The following CAMKMT variants were observed in gnomAD, a reference collection of about 807,000 sequenced individuals.
CAMKMT encodes calmodulin-lysine N-methyltransferase, also known as CaM KMT.
In CAMKMT, 53 loss-of-function variants were observed where a neutral mutation model predicts 48.0. The ratio of observed to expected loss-of-function variants is 1.10; its 90% CI spans 0.89 to 1.39. CAMKMT has a LOEUF of 1.39. Ranked by LOEUF, CAMKMT falls within the 40% of genes most tolerant of loss-of-function variation. The pLI, the probability that CAMKMT is intolerant of heterozygous loss-of-function variation, is 0.00. For synonymous variants in CAMKMT, 165 were observed against 152.3 expected, an observed-to-expected ratio of 1.08 and a Z score of -0.61; for missense variants, 428 against 402.7, an observed-to-expected ratio of 1.06 and a Z score of -0.54.
intron 2 of CAMKMT, among the ~76,000 whole-genome samples, chr2:44,374,759 A>T (rs1231818558): frequency 6.6e-6 from 1 of 152,222 alleles, no homozygotes; most frequent in East Asian, 1.9e-4. Flanking sequence ...GTATATCTAT[A>T]CAAATATGAC....
At chr2:44,707,666 A>G (rs573918754) in intron 6 of CAMKMT, among the ~76,000 whole-genome samples, 1 of 152,306 alleles carries the variant, frequency 6.6e-6, no homozygotes, top group South Asian at 2.1e-4. Flanking sequence ...AGATTTTTAT[A>G]GACATCTCTC....
intron 3 of CAMKMT, among the ~76,000 whole-genome samples, chr2:44,670,298 G>A (rs1383510012): frequency 6.6e-6 from 1 of 152,112 alleles, no homozygotes; most frequent in Non-Finnish European, 1.5e-5. Context: ...ACACAGACTG[G>A]GCTGGGTGTG....
At chr2:44,654,775 A>G (rs1674282142) in intron 3 of CAMKMT, among the ~76,000 whole-genome samples, 1 of 152,206 alleles carries the variant, frequency 6.6e-6, no homozygotes, top group Non-Finnish European at 1.5e-5. Flanking sequence ...TCGGCCTCCC[A>G]AAGTGCTGGG....
chr2:44,772,199 C>G lies in CAMKMT; in HGVS notation c.*86C>G. The G allele has an allele frequency of 9.5e-7, 1 of 1,051,718 alleles. No individual in the cohort carries two copies. The highest frequency in any genetic ancestry group is 1.4e-6 in the Non-Finnish European group (1 of 689,768). 65.1% of individuals were successfully genotyped at this position (1,051,718 alleles called of 1,614,324 possible). ...AACGGAAATCTGTAAGGGGTATAAT[C>G]GCCTGCCTGCGCCCTTTGCAGCATT... On this transcript the variant is annotated 3_prime_UTR_variant, in exon 11 of 11. Coordinates refer to ENST00000378494, the MANE Select transcript of CAMKMT (RefSeq NM_024766.5).
intron 3 of CAMKMT, among the ~76,000 whole-genome samples, chr2:44,616,531 A>T (rs1189078146): frequency 2.7e-5 from 3 of 112,056 alleles, no homozygotes; most frequent in Non-Finnish European, 2.2e-5. Context: ...ACAACCTTTA[A>T]CAATATATTT....
At chr2:44,406,766 T>C (rs558666616) in intron 3 of CAMKMT, among the ~76,000 whole-genome samples, 1 of 152,028 alleles carries the variant, frequency 6.6e-6, no homozygotes, top group Non-Finnish European at 1.5e-5. Flanking sequence ...CCTGCTTGTT[T>C]TTTGTATGGT....
At chr2:44,385,905 T>C (rs1409038029) in intron 2 of CAMKMT, among the ~76,000 whole-genome samples, 1 of 152,150 alleles carries the variant, frequency 6.6e-6, no homozygotes, top group Non-Finnish European at 1.5e-5. Context: ...TCAACATCTG[T>C]GTTCATCAAG....
In CAMKMT at chr2:44,691,356, T is replaced by G. The variant is rs112069917; in HGVS notation, c.377-12927T>G. 1.6e-3 allele frequency among the ~76,000 whole-genome samples: 250 copies of G among 152,376 alleles called. 2 individuals are homozygous for G. The highest frequency in any genetic ancestry group is 5.4e-3 in the South Asian group (26 of 4,832). On this transcript the variant is annotated intron_variant, in intron 3 of 10. Coordinates refer to ENST00000378494, the MANE Select transcript of CAMKMT (RefSeq NM_024766.5). ...GACCAGGGCCTCGGGGAACGTTGCC[T>G]GAAGGCTGTCTTCCCCTCCCTGCTT...
chr2:44,380,579 T>A (rs144004778), intron 2 of CAMKMT, among the ~76,000 whole-genome samples: 92 of 152,218 alleles, frequency 6.0e-4, no homozygotes, highest in African/African-American at 2.2e-3. Context: ...GTCCTTAAGT[T>A]TGGAACAAAT....
rs140879085 is a variant in CAMKMT at position 44,436,163 on chromosome 2, C to T, written c.376+45858C>T. On this transcript the variant is annotated intron_variant, in intron 3 of 10. Transcript: ENST00000378494. ...CAATCTCAGCTCACTGCAACCTCCA[C>T]CTCCCAGGTTCAAGCGATTCTCGTG... Among the ~76,000 whole-genome samples the T allele has an allele frequency of 5.9e-3, 891 of 152,274 alleles. 4 individuals carry two copies. The highest frequency in any genetic ancestry group is 0.011 in the Non-Finnish European group (723 of 68,008).
At position 44,704,284 on chromosome 2, in the gene CAMKMT, C is replaced by T; in HGVS notation, c.378C>T (p.Cys126=). The T allele has an allele frequency of 6.2e-7, 1 of 1,609,670 alleles. No homozygotes were observed. The highest frequency in any genetic ancestry group is 8.5e-7 in the Non-Finnish European group (1 of 1,177,656). ...GGTTTATCCTCTTGTGTTTTCTAGG[C>T]ATCTGGCCATCTGAAGAGGTTTTGG... ...LTSFDNTGNV[C]IWPSEEVLAY... The change falls in exon 4 of 11, where the codon TGC becomes TGT. Residue 126 remains cysteine, a splice_region_variant and synonymous_variant. Coordinates refer to ENST00000378494, the MANE Select transcript of CAMKMT (RefSeq NM_024766.5).
At chr2:44,770,417 C>A (rs1681054950) in intron 10 of CAMKMT, among the ~76,000 whole-genome samples, 1 of 152,224 alleles carries the variant, frequency 6.6e-6, no homozygotes. Flanking sequence ...GATTTCTAAC[C>A]CATATTTACA....
intron 3 of CAMKMT, among the ~76,000 whole-genome samples, chr2:44,422,687 C>G (rs1260317542): frequency 6.6e-6 from 1 of 151,916 alleles, no homozygotes; most frequent in Non-Finnish European, 1.5e-5. Context: ...TTAGTTGGAA[C>G]ATAAATTTCT....
chr2:44,507,005 C>G (rs1408699270), intron 3 of CAMKMT, among the ~76,000 whole-genome samples: 1 of 151,898 alleles, frequency 6.6e-6, no homozygotes, highest in Non-Finnish European at 1.5e-5. Flanking sequence ...AAGGTAGTGC[C>G]TACAAGAAAA....
At chr2:44,631,607 G>A (rs1672836956) in intron 3 of CAMKMT, 1 of 506,284 alleles carries the variant, frequency 2.0e-6, no homozygotes, top group East Asian at 3.3e-5. Context: ...AGCTGTGTAT[G>A]CATTTCTTGC....
chr2:44,712,557 T>C (rs531940012), intron 6 of CAMKMT, among the ~76,000 whole-genome samples: 2 of 152,208 alleles, frequency 1.3e-5, no homozygotes, highest in African/African-American at 2.4e-5. Flanking sequence ...AAACCTAGAG[T>C]TAGAATTCCG....
chr2:44,533,129 G>A (rs951261849), intron 3 of CAMKMT, among the ~76,000 whole-genome samples: 10 of 151,820 alleles, frequency 6.6e-5, no homozygotes, highest in South Asian at 2.1e-4. Flanking sequence ...ATTTTTAAAC[G>A]GAGTAATAGA....
At chr2:44,443,821 C>G (rs771448688) in intron 3 of CAMKMT, among the ~76,000 whole-genome samples, 18 of 152,142 alleles carry the variant, frequency 1.2e-4, no homozygotes, top group East Asian at 9.6e-4. Context: ...TTCATCCGTT[C>G]TCACCTCATA....
chr2:44,553,508 G>A (rs146162125), intron 3 of CAMKMT, among the ~76,000 whole-genome samples: 1 of 152,148 alleles, frequency 6.6e-6, no homozygotes, highest in Non-Finnish European at 1.5e-5. Flanking sequence ...CTATAGGCAT[G>A]GGCCACCACA....
Sources: allele counts gnomAD v4.1 joint callset (sites outside exome capture counted in the v4.1 genomes callset), GRCh38; gene constraint gnomAD v4.1.1; transcripts MANE v1.5; gene names NCBI Gene and HGNC (gene_info 2026-07-23, HGNC 2026-07-21).